TTN: variants seen among roughly 807,000 people sequenced by gnomAD.
The protein encoded by TTN is titin.
Under a neutral mutation model 3,223.0 loss-of-function variants are expected in TTN, and 1,525 were observed. The observed-to-expected ratio is 0.47, with a 90% confidence interval of 0.45 to 0.49. The LOEUF (loss-of-function observed/expected upper bound fraction) is 0.49. Ranked by LOEUF, TTN falls within the 20% of genes least tolerant of loss-of-function variation. The pLI, the probability that TTN is intolerant of heterozygous loss-of-function variation, is 0.00. For synonymous variants in TTN, 14,094 were observed against 15,161.0 expected (o/e 0.93, Z 5.17); for missense variants, 40,786 against 43,424.0 (o/e 0.94, Z 5.40).
chr2:178,528,950 C>T lies in TTN; in HGVS notation c.106801G>A (p.Glu35601Lys), dbSNP rs1558972236. Residue 35601 changes from glutamate to lysine, a missense_variant, in exon 360 of 363, where the codon GAA (glutamate) becomes AAA (lysine). Glu to Lys is a moderately conservative substitution (Grantham distance 56). Transcript: ENST00000589042. ...ATCTCAGCATGAGTTCTGACTTCTT[C>T]TGATGCCTGTGATGTTTTAGTGATT... ...EEITKTSQAS[E>K]EVRTHAEIKA... The T allele has an allele frequency of 2.5e-6, 4 of 1,614,026 alleles. No homozygotes were observed. The South Asian group carries it at 3.3e-5, about 13-fold the overall frequency.
intron 309 of TTN, 50 bp from the exon 310 acceptor site, chr2:178,585,018 A>G: frequency 6.2e-7 from 1 of 1,604,724 alleles, no homozygotes; most frequent in Non-Finnish European, 8.5e-7. Context: ...TTGATACGTA[A>G]AAATATTTCT....
At chr2:178,542,065 A>C (rs1436981382) in intron 349 of TTN, 199 bp downstream of exon 349, 3 of 468,364 alleles carry the variant, frequency 6.4e-6, no homozygotes, top group Non-Finnish European at 1.1e-5. Flanking sequence ...AAAAAAAATC[A>C]AGCCTAAGTG....
chr2:178,591,748 C>A lies in TTN; in HGVS notation c.60071G>T (p.Trp20024Leu). 3.7e-6 allele frequency: 6 copies of A among 1,613,252 alleles called. No homozygotes were observed. Among genetic ancestry groups the A allele is most frequent in the Non-Finnish European group, 5.1e-6 (6 of 1,179,558 alleles). ...GTTTGTCACAGTCTTAAATTTAATC[C>A]AGTCCTGGGTGCCTTCTTCTTGATA... ...VEYQEEGTQD[W>L]IKFKTVTNLE... The change falls in exon 303 of 363, where the codon TGG becomes TTG. Residue 20024 changes from tryptophan to leucine, a missense_variant. Transcript: ENST00000589042.
Position 178,598,991 on chromosome 2 carries a change from C to T in TTN, c.56719G>A (p.Glu18907Lys). 1 of 1,611,356 alleles carries T rather than the reference C, an allele frequency of 6.2e-7. No homozygotes were observed. Among genetic ancestry groups the T allele is most frequent in the Non-Finnish European group, 8.5e-7 (1 of 1,178,692 alleles). Reference sequence around the variant, plus strand: ...GGAGAGCCTCCATCATATTCTGGCTCTTCCCAGTTGACAGTCATGGAGTTA... The same window carrying T: ...GGAGAGCCTCCATCATATTCTGGCTTTTCCCAGTTGACAGTCATGGAGTTA... ...TRNSMTVNWE[E>K]PEYDGGSPVT... Residue 18907 changes from glutamate to lysine, a missense_variant, in exon 291 of 363, where the codon GAG becomes AAG. By Grantham distance (56) the Glu-to-Lys change is moderately conservative (BLOSUM62 1). Transcript: ENST00000589042.
rs1351683543 is a variant in TTN at position 178,582,062 on chromosome 2, T to C, written c.66307A>G (p.Thr22103Ala). Residue 22103 changes from threonine (T) to alanine (A), a missense_variant, in exon 315 of 363, where the codon ACT becomes GCT. Coordinates refer to ENST00000589042, the MANE Select transcript of TTN (RefSeq NM_001267550.2). ...ATAATAGGTTTTCTGTTGACCTTAG[T>C]CCAGTTAACAGCCTGGGTTTCCCGC... ...EKRETQAVNW[T>A]KVNRKPIIER... The C allele has an allele frequency of 1.2e-6, 2 of 1,613,280 alleles. No individual in the cohort carries two copies. Among genetic ancestry groups the C allele is most frequent in the South Asian group, 2.2e-5 (2 of 91,068 alleles).
chr2:178,694,629 G>C lies in TTN; in HGVS notation c.31396C>G (p.Pro10466Ala). Residue 10466 changes from proline (P) to alanine (A), a missense_variant, in exon 117 of 363, where the codon CCA (proline) becomes GCA (alanine). Coordinates refer to ENST00000589042, the MANE Select transcript of TTN (RefSeq NM_001267550.2). ...ACTTCAATAACTTCTTCCTGTACTG[G>C]AGTCCGGGAAGGTTTTTGTGGAACA... is the stretch of plus-strand genomic sequence containing the variant. ...KIVPQKPSRTPVQEEVIEVKV... is the reference protein window; with the variant it reads ...KIVPQKPSRTAVQEEVIEVKV... 1 of 1,560,494 alleles carries C rather than the reference G, an allele frequency of 6.4e-7. No individual in the cohort carries two copies. The highest frequency in any genetic ancestry group is 8.7e-7 in the Non-Finnish European group (1 of 1,150,690).
chr2:178,577,961 TG>T lies in TTN; in HGVS notation c.68527+26del, dbSNP rs372815855. On this transcript the variant is annotated intron_variant, in intron 322 of 362. Transcript: ENST00000589042. ...GTTTTCTTCATGTAAAACATGCACCTGGGTTTTTCTTCATATAATGACTTAC... is the reference window on the plus strand; with the variant it reads ...GTTTTCTTCATGTAAAACATGCACCTGGTTTTTCTTCATATAATGACTTAC... The T allele has an allele frequency of 2.6e-4, 423 of 1,599,334 alleles. 1 individual carries two copies. In the African/African-American group the frequency reaches 4.6e-3, roughly 17 times the overall value.
intron 150 of TTN, among the ~76,000 whole-genome samples, chr2:178,674,831 T>C (rs896583764): frequency 1.3e-5 from 2 of 151,740 alleles, no homozygotes; most frequent in Non-Finnish European, 2.9e-5. Context: ...ATAAAACAAA[T>C]AGCAAACAGA....
chr2:178,729,309 T>G lies in TTN; in HGVS notation c.18847A>C (p.Ser6283Arg). The change falls in exon 64 of 363, where the codon AGT becomes CGT. Residue 6283 changes from serine to arginine, a missense_variant. Coordinates refer to ENST00000589042, the MANE Select transcript of TTN (RefSeq NM_001267550.2). ...TGACCTTTCAGGGCAACTCTAGTAC[T>G]GCATGAGCAGCTGCCGCCTTCATTG... Reference protein sequence around the residue: ...VSNEGGSCSCSTRVALKEPPS... With the variant: ...VSNEGGSCSCRTRVALKEPPS... 2 of 1,611,302 alleles carry G rather than the reference T, an allele frequency of 1.2e-6. No individual in the cohort carries two copies. The highest frequency in any genetic ancestry group is 1.7e-6 in the Non-Finnish European group (2 of 1,178,102).
chr2:178,697,751 G>A (rs1035044195), intron 112 of TTN, among the ~76,000 whole-genome samples: 1 of 152,048 alleles, frequency 6.6e-6, no homozygotes, highest in African/African-American at 2.4e-5. Flanking sequence ...AAAAATCTTC[G>A]AGGATATATT....
Position 178,574,352 on chromosome 2 carries a change from G to T in TTN, c.71780C>A (p.Pro23927Gln). The T allele has an allele frequency of 6.2e-7, 1 of 1,613,576 alleles. No homozygotes were observed. Among genetic ancestry groups the T allele is most frequent in the Non-Finnish European group, 8.5e-7 (1 of 1,179,658 alleles). ...ATTTAGAGGTACTGGTTTTCCAGGT[G>T]GGTCAATGGGATCCAGAGCCAACAT... ...EPMLALDPID[P>Q]PGKPVPLNIT... Residue 23927 changes from proline to glutamine, a missense_variant, in exon 326 of 363, where the codon CCA becomes CAA. Coordinates refer to ENST00000589042, the MANE Select transcript of TTN (RefSeq NM_001267550.2).
chr2:178,639,648 T>A, intron 223 of TTN, 51 bp downstream of exon 223: 1 of 1,566,558 alleles, frequency 6.4e-7, no homozygotes, highest in Non-Finnish European at 8.8e-7. Flanking sequence ...GTGAATACTT[T>A]TATTAAGTCA....
At position 178,646,477 on chromosome 2, in the gene TTN, T is replaced by C. The variant is rs192127273; in HGVS notation, c.40297+8A>G. 48 of 1,534,822 alleles carry C rather than the reference T, an allele frequency of 3.1e-5. 2 individuals are homozygous for C. The East Asian group carries it at 8.1e-4, about 26-fold the overall frequency. ...ATAAAGAAGATTTAAGTCCACTGGA[T>C]TGAATACCTTTTACTGGTATTTCTT... On this transcript the variant is annotated splice_region_variant and intron_variant, in intron 216 of 362. Transcript: ENST00000589042.
In TTN at chr2:178,650,168, T is replaced by C. The variant is rs373429851; in HGVS notation, c.39813A>G (p.Pro13271=). 505 of 1,578,470 alleles carry C rather than the reference T, an allele frequency of 3.2e-4. No homozygotes were observed. Among genetic ancestry groups the C allele is most frequent in the Non-Finnish European group, 4.1e-4 (479 of 1,160,398 alleles). Reference sequence around the variant, plus strand: ...ACAGTGGATTCTGCTTTGTACCTGCTGGAGGTGGAACCTCTGGTTCCTCCT... The same window carrying C: ...ACAGTGGATTCTGCTTTGTACCTGCCGGAGGTGGAACCTCTGGTTCCTCCT... The part of the protein sequence containing the change: ...AEEEEPEVPP[P]AVPEEPKKII... Residue 13271 remains proline, a synonymous_variant, in exon 210 of 363, where the codon CCA becomes CCG. Transcript: ENST00000589042.
chr2:178,688,258 T>G, intron 126 of TTN, 34 bp from the exon 127 acceptor site: 1 of 1,582,512 alleles, frequency 6.3e-7, no homozygotes, highest in East Asian at 2.2e-5. Flanking sequence ...AAATTCAGCC[T>G]GCTGAGATAC....
Position 178,588,993 on chromosome 2 carries a change from C to G in TTN, c.62732G>C (p.Trp20911Ser), listed in dbSNP as rs1243863753. The G allele has an allele frequency of 1.2e-6, 2 of 1,611,636 alleles. No homozygotes were observed. Among genetic ancestry groups the G allele is most frequent in the Non-Finnish European group, 1.7e-6 (2 of 1,179,272 alleles). ...LEKCETKRMV[W>S]STYSATVLTP... ...CAAGACAGTAGCAGAATAGGTAGAC[C>G]AAACCATTCGCTTTGTCTCACATTT... Residue 20911 changes from tryptophan (W) to serine (S), a missense_variant, in exon 304 of 363, where the codon TGG becomes TCG. Coordinates refer to ENST00000589042, the MANE Select transcript of TTN (RefSeq NM_001267550.2).
At chr2:178,696,734 AAAC>A (rs1465910722) in intron 113 of TTN, among the ~76,000 whole-genome samples, 1 of 152,132 alleles carries the variant, frequency 6.6e-6, no homozygotes, top group Non-Finnish European at 1.5e-5. Context: ...AGTTTCATAA[AAAC>A]AACATTTAAA....
At position 178,774,989 on chromosome 2, in the gene TTN, G is replaced by T; in HGVS notation, c.6722C>A (p.Ala2241Asp). The change falls in exon 29 of 363, where the codon GCT becomes GAT. Residue 2241 changes from alanine to aspartate, a missense_variant. Coordinates refer to ENST00000589042, the MANE Select transcript of TTN (RefSeq NM_001267550.2). ...LSILTIDTSD[A>D]EDYSCVLVED... is the part of the protein sequence containing the mutation. ...CACAAGTACACAGCTGTAATCTTCA[G>T]CATCAGACGTATCAATGGTCAGTAT... The T allele has an allele frequency of 6.2e-7, 1 of 1,613,956 alleles. No homozygotes were observed. The highest frequency in any genetic ancestry group is 1.7e-5 in the Admixed American group (1 of 59,998).
At position 178,702,443 on chromosome 2, in the gene TTN, A is replaced by T. The variant is rs199848546; in HGVS notation, c.30433+11T>A. 1.9e-6 allele frequency: 3 copies of T among 1,613,668 alleles called. No individual in the cohort carries two copies. Reference sequence around the variant, plus strand: ...ATTATACATTCACTGGAAAACTGTCAATGAAATCACCTTCATCGTCTGGGG... The same window carrying T: ...ATTATACATTCACTGGAAAACTGTCTATGAAATCACCTTCATCGTCTGGGG... On this transcript the variant is annotated intron_variant, in intron 107 of 362. Transcript: ENST00000589042.
Sources: gnomAD v4.1 joint callset for allele counts (sites outside exome capture counted in the v4.1 genomes callset) on GRCh38, gnomAD v4.1.1 for gene constraint, MANE v1.5 for transcripts, NCBI Gene and HGNC (gene_info 2026-07-23, HGNC 2026-07-21) for gene names.